Variants in TFG observed in about 807,000 individuals in gnomAD.
TFG encodes the protein trafficking from ER to golgi regulator, also known as protein TFG.
In TFG, 22 loss-of-function variants were observed where a neutral mutation model predicts 51.4. The ratio of observed to expected loss-of-function variants is 0.43; its 90% CI spans 0.31 to 0.61. The LOEUF (loss-of-function observed/expected upper bound fraction) is 0.61, where lower values mean the gene tolerates loss of function less well. Among genes scored for constraint, TFG ranks in the 20% least tolerant of loss-of-function variants. The pLI, the probability that TFG is intolerant of heterozygous loss-of-function variation, is 0.12. For missense variants in TFG, 419 were observed against 487.7 expected, an observed-to-expected ratio of 0.86 and a Z score of 1.33; for synonymous variants, 187 against 165.6, an observed-to-expected ratio of 1.13 and a Z score of -0.99.
At chr3:100,725,246 G>A (rs1056940298) in intron 3 of TFG, among the ~76,000 whole-genome samples, 6 of 152,038 alleles carry the variant, frequency 3.9e-5, no homozygotes, top group Non-Finnish European at 7.4e-5. Flanking sequence ...CATTTATTAC[G>A]TAGAACAACT....
At position 100,736,566 on chromosome 3, in the gene TFG, G is replaced by T. The variant is rs749200284; in HGVS notation, c.581-10G>T. The stretch of plus-strand genomic sequence containing the variant: ...TTGGATACTAAACTGACTTTTTTTT[G>T]ACTATCCAGGGCCACCCAGTGCTCC... On this transcript the variant is annotated splice_polypyrimidine_tract_variant and intron_variant, in intron 5 of 7. Transcript: ENST00000240851. 2.5e-6 allele frequency: 4 copies of T among 1,605,100 alleles called. No homozygotes were observed. The highest frequency in any genetic ancestry group is 3.5e-5 in the Admixed American group (2 of 57,248).
intron 7 of TFG, among the ~76,000 whole-genome samples, chr3:100,747,760 T>C (rs2095145518): frequency 6.6e-6 from 1 of 152,222 alleles, no homozygotes; most frequent in African/African-American, 2.4e-5. Context: ...ATAAAAATGT[T>C]CATTCTCCGC....
At chr3:100,717,693 T>A (rs2095050158) in intron 2 of TFG, among the ~76,000 whole-genome samples, 1 of 152,000 alleles carries the variant, frequency 6.6e-6, no homozygotes, top group South Asian at 2.1e-4. Flanking sequence ...TTTTTTATTG[T>A]ATGTGTATAG....
intron 6 of TFG, among the ~76,000 whole-genome samples, chr3:100,737,735 A>G (rs73861203): frequency 1.6e-3 from 237 of 152,302 alleles, no homozygotes; most frequent in African/African-American, 5.3e-3. Flanking sequence ...ATAGAATCCT[A>G]TCATCCTGTG....
At chr3:100,727,540 A>G (rs1380302402) in intron 3 of TFG, among the ~76,000 whole-genome samples, 1 of 152,142 alleles carries the variant, frequency 6.6e-6, no homozygotes, top group African/African-American at 2.4e-5. Flanking sequence ...TTAATTTTTG[A>G]ACGCCTGTCT....
chr3:100,719,515 GTCTA>G (rs2095055126), intron 2 of TFG, among the ~76,000 whole-genome samples: 1 of 152,158 alleles, frequency 6.6e-6, no homozygotes, highest in African/African-American at 2.4e-5. Context: ...AGAATTTACT[GTCTA>G]TCCATTCATT....
At chr3:100,738,484 ATATCTAAACATTCTATGAAG>A (rs2095112693) in intron 6 of TFG, among the ~76,000 whole-genome samples, 2 of 152,242 alleles carry the variant, frequency 1.3e-5, no homozygotes, top group South Asian at 4.1e-4. Flanking sequence ...GCTACTAGCA[ATATCTAAACATTCTATGAAG>A]TGTTTAATTG....
intron 5 of TFG, 135 bp from the exon 6 acceptor site, chr3:100,736,441 A>G (rs2095106440): frequency 1.9e-5 from 17 of 890,988 alleles, no homozygotes; most frequent in Non-Finnish European, 2.7e-5. Flanking sequence ...CATACATTTA[A>G]TGTAAAAAGG....
chr3:100,728,866 C>T lies in TFG; in HGVS notation c.415+8C>T. ...CCAATATTCCTGAAAATGGTAAACC[C>T]TGAATCCATTGTATTCTGACTTATT... is the stretch of plus-strand genomic sequence containing the variant. On this transcript the variant is annotated splice_region_variant and intron_variant, in intron 4 of 7. Coordinates refer to ENST00000240851, the MANE Select transcript of TFG (RefSeq NM_006070.6). The T allele has an allele frequency of 6.3e-7, 1 of 1,597,038 alleles. No individual in the cohort carries two copies. Among genetic ancestry groups the T allele is most frequent in the Non-Finnish European group, 8.5e-7 (1 of 1,173,504 alleles).
rs2095153634 is a variant in TFG at position 100,748,198 on chromosome 3, A to G, written c.870A>G (p.Gly290=). ...CTCAACAACCTCAGCAGTTCCAGGG[A>G]TATGGCCAGCAACCAACTTCCCAGG... ...TGPQQPQQFQ[G]YGQQPTSQAP... is the part of the protein sequence containing the mutation. The change falls in exon 8 of 8, where the codon GGA becomes GGG. Residue 290 remains glycine, a synonymous_variant. Transcript: ENST00000240851. 6 of 1,614,118 alleles carry G rather than the reference A, an allele frequency of 3.7e-6. No individual in the cohort carries two copies. The highest frequency in any genetic ancestry group is 1.7e-5 in the Admixed American group (1 of 60,010).
At chr3:100,731,953 A>C (rs1189505185) in intron 4 of TFG, among the ~76,000 whole-genome samples, 1 of 152,196 alleles carries the variant, frequency 6.6e-6, no homozygotes, top group Non-Finnish European at 1.5e-5. Flanking sequence ...AAGGTAGCAA[A>C]TTCAAAAATG....
At position 100,748,664 on chromosome 3, in the gene TFG, G is replaced by GTTAA. The variant is rs1427127403; in HGVS notation, c.*136_*139dup. 9.5e-7 allele frequency: 1 copy of GTTAA among 1,052,564 alleles called. No individual in the cohort carries two copies. The highest frequency in any genetic ancestry group is 1.6e-5 in the African/African-American group (1 of 62,000). 65.2% of individuals were successfully genotyped at this position (1,052,564 alleles called of 1,614,324 possible). On this transcript the variant is annotated 3_prime_UTR_variant, in exon 8 of 8. Coordinates refer to ENST00000240851, the MANE Select transcript of TFG (RefSeq NM_006070.6). ...CATTTTTTATGATATCATTGTTGGT[G>GTTAA]TTAATTGAAAGTATAATTTGCTGGA...
chr3:100,725,904 T>G (rs188479249), intron 3 of TFG, among the ~76,000 whole-genome samples: 2 of 152,294 alleles, frequency 1.3e-5, no homozygotes, highest in East Asian at 3.9e-4. Flanking sequence ...TTCACACTAA[T>G]GAAGATACAT....
chr3:100,714,486 C>T (rs1353626208), intron 2 of TFG, among the ~76,000 whole-genome samples: 2 of 149,752 alleles, frequency 1.3e-5, no homozygotes, highest in East Asian at 3.9e-4. Flanking sequence ...GGTGACACAG[C>T]AAGACTCCGT....
At chr3:100,709,860 G>A (rs1369950394) in intron 1 of TFG, 139 bp downstream of exon 1, 2 of 129,010 alleles carry the variant, frequency 1.6e-5, no homozygotes, top group Non-Finnish European at 3.3e-5. Context: ...GGGAGGAGGG[G>A]GTGGGAGGGA....
intron 2 of TFG, among the ~76,000 whole-genome samples, chr3:100,715,749 G>A (rs1268194030): frequency 6.6e-6 from 1 of 151,316 alleles, no homozygotes; most frequent in Non-Finnish European, 1.5e-5. Context: ...TTGAGACAGG[G>A]TCTCACTCTC....
At chr3:100,727,751 G>C (rs2095079900) in intron 3 of TFG, among the ~76,000 whole-genome samples, 1 of 152,146 alleles carries the variant, frequency 6.6e-6, no homozygotes, top group African/African-American at 2.4e-5. Flanking sequence ...GCATTTTGTG[G>C]CTTATATACT....
intron 3 of TFG, among the ~76,000 whole-genome samples, chr3:100,726,257 G>A (rs1247590766): frequency 6.6e-6 from 1 of 152,222 alleles, no homozygotes; most frequent in African/African-American, 2.4e-5. Flanking sequence ...AGGAGGGAGA[G>A]CGAGCTAAAG....
intron 3 of TFG, among the ~76,000 whole-genome samples, chr3:100,722,652 C>T (rs1384694789): frequency 1.3e-5 from 2 of 152,090 alleles, no homozygotes; most frequent in African/African-American, 2.4e-5. Context: ...AGACTGATCA[C>T]ATATGAAACA....
Sources: allele counts gnomAD v4.1 joint callset (sites outside exome capture counted in the v4.1 genomes callset), GRCh38; gene constraint gnomAD v4.1.1; transcripts MANE v1.5; gene names NCBI Gene and HGNC (gene_info 2026-07-23, HGNC 2026-07-21).